OGDH: variants seen among roughly 807,000 people sequenced by gnomAD.
The protein encoded by OGDH is 2-oxoglutarate dehydrogenase complex component E1.
OGDH carries 38 observed loss-of-function variants against 116.6 expected under a neutral mutation model. The ratio of observed to expected loss-of-function variants is 0.33; its 90% CI spans 0.25 to 0.43. The LOEUF (loss-of-function observed/expected upper bound fraction) is 0.43. OGDH is among the 20% of genes least tolerant of loss of function. The pLI, the probability that OGDH is intolerant of heterozygous loss-of-function variation, is 1.00. For missense variants in OGDH, 825 were observed against 1,357.2 expected (o/e 0.61, Z 6.16); for synonymous variants, 488 against 533.3 (o/e 0.92, Z 1.17).
At chr7:44,689,550 G>A (rs987420954) in intron 10 of OGDH, among the ~76,000 whole-genome samples, 15 of 151,532 alleles carry the variant, frequency 9.9e-5, no homozygotes, top group African/African-American at 3.6e-4. Context: ...TAGGATTCCA[G>A]TTTTTTCATG....
At chr7:44,705,743 T>C (rs1405933815) in intron 20 of OGDH, among the ~76,000 whole-genome samples, 2 of 152,188 alleles carry the variant, frequency 1.3e-5, no homozygotes, top group African/African-American at 2.4e-5. Flanking sequence ...GTTGGCCTAA[T>C]TTCCTCTTCT....
chr7:44,609,807 C>T (rs542218159), intron 1 of OGDH, among the ~76,000 whole-genome samples: 2 of 152,272 alleles, frequency 1.3e-5, no homozygotes, highest in East Asian at 1.9e-4. Flanking sequence ...ACATTCCCAC[C>T]GGCACTGTAT....
In OGDH at chr7:44,674,452, G is replaced by A; in HGVS notation, c.830G>A (p.Arg277His). ...FLQRKWSSEKRFGLEGCEVLI... is the reference protein window; with the variant it reads ...FLQRKWSSEKHFGLEGCEVLI... ...CAGCGGAAGTGGTCCTCTGAGAAGC[G>A]CTTTGGTCTAGAAGGCTGCGAGGTA... The change falls in exon 7 of 23, where the codon CGC (arginine) becomes CAC (histidine). Residue 277 changes from arginine to histidine, a missense_variant. This residue lies in a region of OGDH where 171 missense variants were observed against 276.8 expected (regional missense o/e 0.62). Coordinates refer to ENST00000222673, the MANE Select transcript of OGDH (RefSeq NM_002541.4). The A allele has an allele frequency of 6.2e-7, 1 of 1,614,146 alleles. No homozygotes were observed. Among genetic ancestry groups the A allele is most frequent in the Non-Finnish European group, 8.5e-7 (1 of 1,180,028 alleles).
chr7:44,668,529 G>A (rs1293061607), intron 5 of OGDH, among the ~76,000 whole-genome samples: 1 of 152,220 alleles, frequency 6.6e-6, no homozygotes, highest in Non-Finnish European at 1.5e-5. Context: ...TCAGCTTGGA[G>A]CTGCTTCACC....
intron 5 of OGDH, among the ~76,000 whole-genome samples, chr7:44,670,771 G>A (rs1391831433): frequency 6.6e-6 from 1 of 152,162 alleles, no homozygotes. Context: ...AGCACTTTGG[G>A]AGGCCAAGGC....
intron 3 of OGDH, 138 bp from the exon 4 acceptor site, chr7:44,647,519 G>A (rs1786238396): frequency 1.3e-6 from 2 of 1,543,534 alleles, no homozygotes; most frequent in South Asian, 1.2e-5. Flanking sequence ...TCCAGTAACT[G>A]TTTCTTCAAA....
intron 5 of OGDH, among the ~76,000 whole-genome samples, chr7:44,670,428 A>C (rs1261425321): frequency 6.6e-6 from 1 of 152,156 alleles, no homozygotes; most frequent in African/African-American, 2.4e-5. Context: ...TTTGCAACTC[A>C]GGCATGGACC....
chr7:44,687,305 C>T (rs1234782761), intron 10 of OGDH, among the ~76,000 whole-genome samples: 1 of 150,526 alleles, frequency 6.6e-6, no homozygotes, highest in African/African-American at 2.4e-5. Context: ...ACCATGTTGG[C>T]CAGATTGGTC....
intron 20 of OGDH, among the ~76,000 whole-genome samples, chr7:44,702,489 C>T (rs756483543): frequency 2.6e-5 from 4 of 152,262 alleles, no homozygotes; most frequent in Non-Finnish European, 5.9e-5. Context: ...AGGAAGCCTG[C>T]ATCCCACCAG....
chr7:44,707,943 C>T lies in OGDH; in HGVS notation c.3016C>T (p.Leu1006=), dbSNP rs767134282. ...CAACAAGAAGACCCACCTGACGGAG[C>T]TGCAGCGCCTCCTGGACACGGCCTT... ...TGNKKTHLTE[L]QRLLDTAFDL... The change falls in exon 23 of 23, where the codon CTG becomes TTG. Residue 1006 remains leucine (L), a synonymous_variant. Transcript: ENST00000222673. This position sits in a 1 kb window ranked among gnomAD's most constrained non-coding sequence, Gnocchi z 5.2. 1.2e-6 allele frequency: 2 copies of T among 1,613,940 alleles called. No individual in the cohort carries two copies. The highest frequency in any genetic ancestry group is 1.7e-6 in the Non-Finnish European group (2 of 1,180,022).
Position 44,631,502 on chromosome 7 carries a change from A to G in OGDH, c.222+6937A>G, listed in dbSNP as rs559113954. Among the ~76,000 whole-genome samples, 3 of 152,342 alleles carry G rather than the reference A, an allele frequency of 2.0e-5. No homozygotes were observed. The East Asian group carries it at 5.8e-4, about 29-fold the overall frequency. ...TTCACATGTTAAGAGCAATCTCAGC[A>G]CTTGTGGCTTTTTGTGTTAAATCAG... On this transcript the variant is annotated intron_variant, in intron 2 of 22. Coordinates refer to ENST00000222673, the MANE Select transcript of OGDH (RefSeq NM_002541.4).
intron 9 of OGDH, 33 bp downstream of exon 9, chr7:44,676,182 CGTCAAG>C (rs766001203): frequency 3.1e-6 from 5 of 1,613,990 alleles, no homozygotes; most frequent in Middle Eastern, 1.6e-4. Context: ...CAAGGCAGAT[CGTCAAG>C]GCCCCATGTT....
chr7:44,673,260 A>G (rs958410781), intron 5 of OGDH, among the ~76,000 whole-genome samples: 3 of 152,148 alleles, frequency 2.0e-5, no homozygotes, highest in Non-Finnish European at 2.9e-5. Flanking sequence ...TGAGGCTGCA[A>G]CGGGCTCTGA....
chr7:44,653,841 T>A lies in OGDH; in HGVS notation c.517+6082T>A, dbSNP rs372601802. Among the ~76,000 whole-genome samples, 350 of 151,772 alleles carry A rather than the reference T, an allele frequency of 2.3e-3. 1 individual carries two copies. The highest frequency in any genetic ancestry group is 3.4e-3 in the Middle Eastern group (1 of 294). The stretch of plus-strand genomic sequence containing the variant: ...GTGCCTGGCCTAATTAAATTTGTTT[T>A]TTTTTATTTTTATTTTATTTTATTT... On this transcript the variant is annotated intron_variant, in intron 4 of 22. Transcript: ENST00000222673.
chr7:44,608,284 TGTA>T (rs1239465292), intron 1 of OGDH, among the ~76,000 whole-genome samples: 2 of 152,146 alleles, frequency 1.3e-5, no homozygotes, highest in African/African-American at 4.8e-5. Context: ...CACATATACT[TGTA>T]GTCGCAACTA....
At chr7:44,649,871 T>A (rs1274927486) in intron 4 of OGDH, among the ~76,000 whole-genome samples, 1 of 152,234 alleles carries the variant, frequency 6.6e-6, no homozygotes, top group Non-Finnish European at 1.5e-5. Context: ...TGGAATAGTG[T>A]CCTCAGTATT....
At chr7:44,668,831 G>A (rs556073042) in intron 5 of OGDH, among the ~76,000 whole-genome samples, 6 of 152,034 alleles carry the variant, frequency 3.9e-5, no homozygotes, top group African/African-American at 1.4e-4. Flanking sequence ...TGATACATCG[G>A]GTCAAATAAA....
chr7:44,695,506 AC>A (rs1051331452), intron 12 of OGDH, among the ~76,000 whole-genome samples: 1 of 151,992 alleles, frequency 6.6e-6, no homozygotes, highest in Non-Finnish European at 1.5e-5. Flanking sequence ...AGAGATCGAG[AC>A]CATCCTGGCC....
intron 2 of OGDH, 21 bp from the exon 3 acceptor site, chr7:44,645,306 C>G: frequency 6.2e-7 from 1 of 1,610,568 alleles, no homozygotes; most frequent in South Asian, 1.1e-5. Context: ...TGAGGTAACC[C>G]TGTACCTTCT....
Sources: gnomAD v4.1 joint callset for allele counts (sites outside exome capture counted in the v4.1 genomes callset) on GRCh38, gnomAD v4.1.1 for gene constraint, gnomAD v4.1.1 regional missense constraint, Gnocchi (gnomAD v3.1) non-coding constraint, MANE v1.5 for transcripts, NCBI Gene and HGNC (gene_info 2026-07-23, HGNC 2026-07-21) for gene names.